Variants in FBLN5 observed in about 807,000 individuals in gnomAD.
FBLN5 encodes fibulin 5.
FBLN5 carries 24 observed loss-of-function variants against 61.6 expected under a neutral mutation model. The ratio of observed to expected loss-of-function variants is 0.39; its 90% CI spans 0.28 to 0.55. FBLN5 has a LOEUF of 0.55. Ranked by LOEUF, FBLN5 falls within the 20% of genes least tolerant of loss-of-function variation. FBLN5 has a pLI of 0.65. For synonymous variants in FBLN5, 213 were observed against 219.8 expected (o/e 0.97, Z 0.27); for missense variants, 470 against 594.1 (o/e 0.79, Z 2.17).
intron 4 of FBLN5, among the ~76,000 whole-genome samples, chr14:91,904,608 T>C (rs180711601): frequency 4.0e-4 from 61 of 152,326 alleles, no homozygotes; most frequent in African/African-American, 1.4e-3. Flanking sequence ...AGGCTGGAAG[T>C]CCAGGGTCAG....
At chr14:91,908,127 A>C (rs1382244829) in intron 4 of FBLN5, among the ~76,000 whole-genome samples, 1 of 152,180 alleles carries the variant, frequency 6.6e-6, no homozygotes, top group Non-Finnish European at 1.5e-5. Flanking sequence ...ATTCTAATAA[A>C]AAACAACTGA....
At chr14:91,884,135 C>G (rs1386595984) in intron 7 of FBLN5, among the ~76,000 whole-genome samples, 1 of 152,220 alleles carries the variant, frequency 6.6e-6, no homozygotes, top group East Asian at 1.9e-4. Flanking sequence ...GAAGCTGCCT[C>G]TCCACCATCA....
At chr14:91,895,954 C>T (rs1391949614) in intron 4 of FBLN5, among the ~76,000 whole-genome samples, 1 of 152,148 alleles carries the variant, frequency 6.6e-6, no homozygotes, top group Admixed American at 6.5e-5. Flanking sequence ...GTCCTCTGCT[C>T]ACAGCAAGTC....
chr14:91,929,080 A>AACACACACACACACAC (rs113397883), intron 4 of FBLN5, among the ~76,000 whole-genome samples: 2 of 143,182 alleles, frequency 1.4e-5, no homozygotes, highest in African/African-American at 5.3e-5. Context: ...CCTGTCTCAA[A>AACACACACACACACAC]ACACACACAC....
chr14:91,881,514 A>T (rs1298453510), intron 8 of FBLN5, 96 bp from the exon 9 acceptor site: 14 of 1,359,054 alleles, frequency 1.0e-5, no homozygotes, highest in Non-Finnish European at 2.1e-6. Context: ...ACAGAGCTGT[A>T]CTATCCAATA....
At position 91,883,066 on chromosome 14, in the gene FBLN5, C is replaced by A; in HGVS notation, c.750G>T (p.Glu250Asp). The change falls in exon 8 of 11, where the codon GAG becomes GAT. Residue 250 changes from glutamate (E) to aspartate (D), a missense_variant. Physicochemically the swap from Glu to Asp is conservative, Grantham distance 45. Transcript: ENST00000342058. ...EDGVHCSDMD[E>D]CSFSEFLCQH... The stretch of plus-strand genomic sequence containing the variant: ...GGCAGAGGAACTCAGAGAAGCTGCA[C>A]TCGTCCATATCTGGGGTGACAAGTC... 6.2e-7 allele frequency: 1 copy of A among 1,613,990 alleles called. No individual in the cohort carries two copies. Among genetic ancestry groups the A allele is most frequent in the Non-Finnish European group, 8.5e-7 (1 of 1,179,872 alleles).
At chr14:91,881,126 CACACACACACACACA>C in intron 9 of FBLN5, among the ~76,000 whole-genome samples, 151 bp downstream of exon 9, 1 of 150,100 alleles carries the variant, frequency 6.7e-6, no homozygotes, top group Non-Finnish European at 1.5e-5. Context: ...ATTCTACACA[CACACACACACACACA>C]CACACACACA....
rs72705362 is a variant in FBLN5, at chr14:91,923,141, C to A, written c.379+13806G>T. On this transcript the variant is annotated intron_variant, in intron 4 of 10. Transcript: ENST00000342058. The stretch of plus-strand genomic sequence containing the variant: ...CTGGAGGAAGCCTCACAGATAATGG[C>A]CCAGCCCCTCTCATGCAGATGTGAA... Among the ~76,000 whole-genome samples the A allele has an allele frequency of 8.2e-3, 1,252 of 152,266 alleles. 11 individuals carry two copies. The highest frequency in any genetic ancestry group is 0.015 in the Non-Finnish European group (993 of 68,026).
intron 9 of FBLN5, 44 bp downstream of exon 9, chr14:91,881,248 G>A (rs758491132): frequency 1.2e-6 from 2 of 1,611,486 alleles, no homozygotes; most frequent in Admixed American, 3.3e-5. Context: ...CCTGAGCCAG[G>A]CCCTCATCAG....
intron 4 of FBLN5, among the ~76,000 whole-genome samples, chr14:91,933,549 T>C (rs1334119504): frequency 6.6e-6 from 1 of 152,200 alleles, no homozygotes; most frequent in Non-Finnish European, 1.5e-5. Flanking sequence ...ATTACAGGCA[T>C]GAGCCACCGT....
chr14:91,944,283 T>G (rs760039234), intron 1 of FBLN5, among the ~76,000 whole-genome samples: 1 of 152,158 alleles, frequency 6.6e-6, no homozygotes, highest in Non-Finnish European at 1.5e-5. Flanking sequence ...TTCACACTCA[T>G]GAGGCTATTA....
At chr14:91,941,441 G>A (rs529427378) in intron 2 of FBLN5, among the ~76,000 whole-genome samples, 47 of 152,224 alleles carry the variant, frequency 3.1e-4, no homozygotes, top group African/African-American at 1.1e-3. Flanking sequence ...AAGACCCCAG[G>A]GCCTGACATT....
At chr14:91,877,118 C>T (rs566883784) in intron 10 of FBLN5, among the ~76,000 whole-genome samples, 13 of 152,270 alleles carry the variant, frequency 8.5e-5, no homozygotes, top group African/African-American at 3.1e-4. Context: ...GCTGGGATTA[C>T]AGGCATCAGC....
At position 91,892,071 on chromosome 14, in the gene FBLN5, G is replaced by A. The variant is rs1450051854; in HGVS notation, c.503-734C>T. Among the ~76,000 whole-genome samples the A allele has an allele frequency of 2.0e-5, 3 of 152,190 alleles. No individual in the cohort carries two copies. The South Asian group carries it at 6.2e-4, about 32-fold the overall frequency. The stretch of plus-strand genomic sequence containing the variant: ...TGCCAGGGAAAGCGGCGGCACTGTG[G>A]GTGAATGGATCCTTTGAGCAGAGCT... On this transcript the variant is annotated intron_variant, in intron 5 of 10. Coordinates refer to ENST00000342058, the MANE Select transcript of FBLN5 (RefSeq NM_006329.4).
At chr14:91,938,154 A>C (rs945726442) in intron 3 of FBLN5, among the ~76,000 whole-genome samples, 29 of 152,212 alleles carry the variant, frequency 1.9e-4, no homozygotes, top group African/African-American at 7.0e-4. Flanking sequence ...AGTCTCTTGC[A>C]TCAGGAAAAG....
chr14:91,869,798 G>A lies in FBLN5; in HGVS notation c.*426C>T, dbSNP rs553193064. 54 of 241,324 alleles carry A rather than the reference G, an allele frequency of 2.2e-4. No homozygotes were observed. Among genetic ancestry groups the A allele is most frequent in the South Asian group, 2.0e-3 (36 of 17,578 alleles). 14.9% of individuals were successfully genotyped at this position (241,324 alleles called of 1,614,324 possible). ...AAACTAGCTACTCCCAGGGTTCCCC[G>A]CCAGCTCCCGGGTCTTTGCAAAGCA... On this transcript the variant is annotated 3_prime_UTR_variant, in exon 11 of 11. Coordinates refer to ENST00000342058, the MANE Select transcript of FBLN5 (RefSeq NM_006329.4).
At chr14:91,941,323 C>T (rs1010803151) in intron 2 of FBLN5, among the ~76,000 whole-genome samples, 1 of 152,084 alleles carries the variant, frequency 6.6e-6, no homozygotes, top group African/African-American at 2.4e-5. Context: ...AAGATGCTTC[C>T]AGAAAGAGAT....
intron 3 of FBLN5, among the ~76,000 whole-genome samples, chr14:91,938,707 G>C (rs1018339085): frequency 6.6e-6 from 1 of 152,278 alleles, no homozygotes; most frequent in Non-Finnish European, 1.5e-5. Flanking sequence ...ACATGATCCC[G>C]TATACCGAGC....
chr14:91,879,015 G>A lies in FBLN5; in HGVS notation c.990-1333C>T, dbSNP rs183372285. On this transcript the variant is annotated intron_variant, in intron 9 of 10. Coordinates refer to ENST00000342058, the MANE Select transcript of FBLN5 (RefSeq NM_006329.4). ...CGATTGTTTGAGCCCAAAAGGTTGA[G>A]GCTTCAATGAGCTGTGATTGCACCA... Among the ~76,000 whole-genome samples the A allele has an allele frequency of 1.3e-4, 20 of 152,310 alleles. No individual in the cohort carries two copies. The East Asian group carries it at 3.9e-3, about 29-fold the overall frequency.
Sources: gnomAD v4.1 joint callset for allele counts (sites outside exome capture counted in the v4.1 genomes callset) on GRCh38, gnomAD v4.1.1 for gene constraint, MANE v1.5 for transcripts, NCBI Gene and HGNC (gene_info 2026-07-23, HGNC 2026-07-21) for gene names.